PAXX: variants seen among roughly 807,000 people sequenced by gnomAD.
PAXX encodes PAXX non-homologous end joining factor.
In PAXX, 27 loss-of-function variants were observed where a neutral mutation model predicts 25.6. The ratio of observed to expected loss-of-function variants is 1.06; its 90% confidence interval spans 0.78 to 1.46. The LOEUF is 1.46. Among genes scored for constraint, PAXX ranks in the 40% most tolerant of loss-of-function variants. The probability of loss-of-function intolerance (pLI) is 0.00; values close to 1 mark genes in which losing one functional copy is unlikely to be tolerated. For synonymous variants in PAXX, 126 were observed against 125.7 expected, an observed-to-expected ratio of 1.00 and a Z score of -0.02; for missense variants, 295 against 280.2, an observed-to-expected ratio of 1.05 and a Z score of -0.38.
intron 5 of PAXX, 75 bp downstream of exon 5, chr9:136,993,486 C>T: frequency 6.3e-7 from 1 of 1,597,750 alleles, no homozygotes; most frequent in Non-Finnish European, 8.6e-7. Context: ...CCAAACAAGA[C>T]TCACGCTCCA....
At chr9:136,992,887 GT>G in intron 2 of PAXX, 37 bp from the exon 3 acceptor site, 1 of 1,613,020 alleles carries the variant, frequency 6.2e-7, no homozygotes, top group Non-Finnish European at 8.5e-7. Flanking sequence ...TGGGCCTCGG[GT>G]TCCAGGCAGC....
Position 136,992,943 on chromosome 9 carries a change from A to C in PAXX, c.199A>C (p.Ser67Arg), listed in dbSNP as rs1830612309. ...TCTCTAGAAAGCCCGTTTTGGCCTGAGTGCGGCTGAGGACATCACCCCCCG... is the reference window on the plus strand; with the variant it reads ...TCTCTAGAAAGCCCGTTTTGGCCTGCGTGCGGCTGAGGACATCACCCCCCG... ...LAALKARFGLSAAEDITPRFR... is the reference protein window; with the variant it reads ...LAALKARFGLRAAEDITPRFR... Residue 67 changes from serine to arginine, a missense_variant, in exon 3 of 7, where the codon AGT becomes CGT. Coordinates refer to ENST00000371620, the MANE Select transcript of PAXX (RefSeq NM_183241.3). 6.2e-7 allele frequency: 1 copy of C among 1,613,460 alleles called. No individual in the cohort carries two copies. Among genetic ancestry groups the C allele is most frequent in the African/African-American group, 1.3e-5 (1 of 74,906 alleles).
chr9:136,993,577 C>G lies in PAXX; in HGVS notation c.491-3C>G. On this transcript the variant is annotated splice_polypyrimidine_tract_variant and splice_region_variant and intron_variant, in intron 5 of 6. Coordinates refer to ENST00000371620, the MANE Select transcript of PAXX (RefSeq NM_183241.3). The stretch of plus-strand genomic sequence containing the variant: ...GAGCTGCCCCTGTCCTGTTTTCCCC[C>G]AGACCCAGATCCCCAGAGAGGTGGC... 1 of 1,613,930 alleles carries G rather than the reference C, an allele frequency of 6.2e-7. No homozygotes were observed. Among genetic ancestry groups the G allele is most frequent in the Non-Finnish European group, 8.5e-7 (1 of 1,179,980 alleles).
rs1227247504 is a variant in PAXX, at chr9:136,992,963, C to A, written c.219C>A (p.Thr73=). 8.7e-6 allele frequency: 14 copies of A among 1,613,418 alleles called. No homozygotes were observed. The East Asian group carries it at 3.1e-4, about 36-fold the overall frequency. The change falls in exon 3 of 7, where the codon ACC becomes ACA. Residue 73 remains threonine, a synonymous_variant. Transcript: ENST00000371620. ...GCCTGAGTGCGGCTGAGGACATCAC[C>A]CCCCGGTTCAGGTGAGACCCAAGCA... ...RFGLSAAEDI[T]PRFRAACEQQ...
Position 136,993,429 on chromosome 9 carries a change from G to A in PAXX, c.490+18G>A. On this transcript the variant is annotated intron_variant, in intron 5 of 6. Transcript: ENST00000371620. ...CTTACCAGGTAAGGCATGTCCGCCT[G>A]TGACTCAAGTAGGGCTGTGCTCTTT... 6.2e-7 allele frequency: 1 copy of A among 1,603,366 alleles called. No homozygotes were observed. Among genetic ancestry groups the A allele is most frequent in the Non-Finnish European group, 8.5e-7 (1 of 1,174,254 alleles).
At position 136,993,940 on chromosome 9, in the gene PAXX, T is replaced by C. The variant is rs549240171; in HGVS notation, c.*135T>C. 2 of 808,656 alleles carry C rather than the reference T, an allele frequency of 2.5e-6. No homozygotes were observed. Among genetic ancestry groups the C allele is most frequent in the Non-Finnish European group, 4.0e-6 (2 of 502,332 alleles). 50.1% of individuals were successfully genotyped at this position (808,656 alleles called of 1,614,324 possible). A position where few individuals can be genotyped will look rare whatever the true frequency, so the allele number is the denominator to read the frequency against. On this transcript the variant is annotated 3_prime_UTR_variant, in exon 7 of 7. Coordinates refer to ENST00000371620, the MANE Select transcript of PAXX (RefSeq NM_183241.3). ...GCCAGGACTAACACGGCTCCTCAAATTCCTTCCCTGTCAAATAAACAGCTC... is the reference window on the plus strand; with the variant it reads ...GCCAGGACTAACACGGCTCCTCAAACTCCTTCCCTGTCAAATAAACAGCTC...
Position 136,993,254 on chromosome 9 carries a change from GGGT to G in PAXX, c.421+14_421+16del, listed in dbSNP as rs1283674607. On this transcript the variant is annotated intron_variant, in intron 4 of 6. Coordinates refer to ENST00000371620, the MANE Select transcript of PAXX (RefSeq NM_183241.3). ...AGCGGCGACTGGCAGGTAGGATTGG[GGGT>G]GGGCACCTCATACCTTCACTGGGGT... The G allele has an allele frequency of 6.5e-7, 1 of 1,547,684 alleles. No homozygotes were observed. The highest frequency in any genetic ancestry group is 8.7e-7 in the Non-Finnish European group (1 of 1,149,540).
rs1830624657 is a variant in PAXX at position 136,993,222 on chromosome 9, A to G, written c.400A>G (p.Ser134Gly). The G allele has an allele frequency of 1.3e-6, 2 of 1,538,544 alleles. No individual in the cohort carries two copies. Among genetic ancestry groups the G allele is most frequent in the Non-Finnish European group, 1.7e-6 (2 of 1,147,640 alleles). Residue 134 changes from serine (S) to glycine (G), a missense_variant, in exon 4 of 7, where the codon AGC becomes GGC. Physicochemically the swap from Ser to Gly is moderately conservative, Grantham distance 56. Transcript: ENST00000371620. ...LTLGLAKRVW[S>G]LERRLAAAEE... is the part of the protein sequence containing the mutation. ...ACTGGGCCTGGCAAAACGCGTGTGG[A>G]GCCTGGAGCGGCGACTGGCAGGTAG... is the stretch of plus-strand genomic sequence containing the variant.
Position 136,993,896 on chromosome 9 carries a change from C to A in PAXX, c.*91C>A. ...CCCATCAGAGACCCCCCGCCACCAC[C>A]TCCACCTGCCTGTCCTGGGCCAGGA... On this transcript the variant is annotated 3_prime_UTR_variant, in exon 7 of 7. Coordinates refer to ENST00000371620, the MANE Select transcript of PAXX (RefSeq NM_183241.3). 2 of 1,259,566 alleles carry A rather than the reference C, an allele frequency of 1.6e-6. No individual in the cohort carries two copies. The highest frequency in any genetic ancestry group is 1.9e-5 in the Admixed American group (1 of 52,222). The allele number at this position is 1,259,566 out of a possible 1,614,324, so 78.0% of individuals were successfully genotyped here. A position where few individuals can be genotyped will look rare whatever the true frequency, so the allele number is the denominator to read the frequency against.
Position 136,992,654 on chromosome 9 carries a change from C to T in PAXX, c.134C>T (p.Ala45Val), listed in dbSNP as rs766091924. ...TTCTCCCCCAGCGTGACCGACGCCG[C>T]GGAGCTTTGGAGCACCTGCTTCACG... ...GGFNLYVTDA[A>V]ELWSTCFTPD... is the part of the protein sequence containing the mutation. The change falls in exon 2 of 7, where the codon GCG becomes GTG. Residue 45 changes from alanine to valine, a missense_variant. Ala to Val is a moderately conservative substitution (Grantham distance 64). Transcript: ENST00000371620. 28 of 1,541,204 alleles carry T rather than the reference C, an allele frequency of 1.8e-5. No homozygotes were observed. The highest frequency in any genetic ancestry group is 2.7e-5 in the African/African-American group (2 of 73,178).
In PAXX at chr9:136,993,079, C is replaced by T. The variant is rs1471272526; in HGVS notation, c.257C>T (p.Ala86Val). ...FRAACEQQAV[A>V]LTLQEDRASL... Reference sequence around the variant, plus strand: ...GCAGCCTGTGAGCAGCAAGCTGTGGCTCTGACTCTGCAGGAGGACAGAGCA... The same window carrying T: ...GCAGCCTGTGAGCAGCAAGCTGTGGTTCTGACTCTGCAGGAGGACAGAGCA... Residue 86 changes from alanine to valine, a missense_variant, in exon 4 of 7, where the codon GCT becomes GTT. Transcript: ENST00000371620. 3 of 1,611,366 alleles carry T rather than the reference C, an allele frequency of 1.9e-6. No individual in the cohort carries two copies. The African/African-American group carries it at 4.0e-5, about 21-fold the overall frequency.
intron 4 of PAXX, 46 bp downstream of exon 4, chr9:136,993,289 C>T: frequency 6.3e-7 from 1 of 1,578,250 alleles, no homozygotes; most frequent in Non-Finnish European, 8.6e-7. Flanking sequence ...GGGTCCCCTG[C>T]TCTTGCCCCC....
Position 136,992,536 on chromosome 9 carries a change from G to C in PAXX, c.93G>C (p.Glu31Asp). 5 of 1,460,714 alleles carry C rather than the reference G, an allele frequency of 3.4e-6. No homozygotes were observed. Among genetic ancestry groups the C allele is most frequent in the Non-Finnish European group, 4.5e-6 (5 of 1,101,012 alleles). 90.5% of individuals were successfully genotyped at this position (1,460,714 alleles called of 1,614,324 possible). A position where few individuals can be genotyped will look rare whatever the true frequency, so the allele number is the denominator to read the frequency against. ...ACTGCGAAGGGGAGGAAAGCGGGGA[G>C]GGGGACCGCGGCGGCTTCAACCTCT... ...VCYCEGEESG[E>D]GDRGGFNLYV... Residue 31 changes from glutamate (E) to aspartate (D), a missense_variant, in exon 1 of 7, where the codon GAG (glutamate) becomes GAC (aspartate). Transcript: ENST00000371620.
intron 5 of PAXX, 64 bp from the exon 6 acceptor site, chr9:136,993,516 C>A: frequency 6.2e-7 from 1 of 1,603,028 alleles, no homozygotes; most frequent in Non-Finnish European, 8.5e-7. Flanking sequence ...CCTATCTATT[C>A]GGAGAAGGTT....
rs778710020 is a variant in PAXX at position 136,993,232 on chromosome 9, G to A, written c.410G>A (p.Arg137Gln). 11 of 1,538,500 alleles carry A rather than the reference G, an allele frequency of 7.1e-6. No homozygotes were observed. The highest frequency in any genetic ancestry group is 2.3e-5 in the East Asian group (1 of 44,276). The change falls in exon 4 of 7, where the codon CGG becomes CAG. Residue 137 changes from arginine (R) to glutamine (Q), a missense_variant. Transcript: ENST00000371620. ...GCAAAACGCGTGTGGAGCCTGGAGC[G>A]GCGACTGGCAGGTAGGATTGGGGGT... ...GLAKRVWSLE[R>Q]RLAAAEETAV...
rs759478031 is a variant in PAXX, at chr9:136,993,165, C to A, written c.343C>A (p.Pro115Thr). 6.4e-7 allele frequency: 1 copy of A among 1,563,216 alleles called. No individual in the cohort carries two copies. Among genetic ancestry groups the A allele is most frequent in the Middle Eastern group, 1.7e-4 (1 of 5,816 alleles). The change falls in exon 4 of 7, where the codon CCA (proline) becomes ACA (threonine). Residue 115 changes from proline to threonine, a missense_variant. Pro to Thr is a conservative substitution (Grantham distance 38). Transcript: ENST00000371620. ...CTTTGACCTCTCCAAGGTACCAGGC[C>A]CAGAGGCAGCCCCCAGGCTGCGGGC... ...LAFDLSKVPGPEAAPRLRALT... is the reference protein window; with the variant it reads ...LAFDLSKVPGTEAAPRLRALT...
At chr9:136,993,001 G>T (rs147836713) in intron 3 of PAXX, 27 bp downstream of exon 3, 6 of 1,613,336 alleles carry the variant, frequency 3.7e-6, no homozygotes, top group South Asian at 2.2e-5. Context: ...GAGGAAGGAC[G>T]GGTGGGGAGG....
In PAXX at chr9:136,992,560, C is replaced by T. The variant is rs542096667; in HGVS notation, c.117C>T (p.Leu39=). The T allele has an allele frequency of 9.5e-5, 142 of 1,499,148 alleles. No individual in the cohort carries two copies. The highest frequency in any genetic ancestry group is 2.2e-4 in the Admixed American group (10 of 45,242). 92.9% of individuals were successfully genotyped at this position (1,499,148 alleles called of 1,614,324 possible). Residue 39 remains leucine, a splice_region_variant and synonymous_variant, in exon 1 of 7, where the codon CTC becomes CTT. Transcript: ENST00000371620. Reference sequence around the variant, plus strand: ...AGGGGGACCGCGGCGGCTTCAACCTCTAGTGAGTGGGGGTCCGCGGGGAGG... The same window carrying T: ...AGGGGGACCGCGGCGGCTTCAACCTTTAGTGAGTGGGGGTCCGCGGGGAGG... ...SGEGDRGGFN[L]YVTDAAELWS... is the part of the protein sequence containing the mutation.
Position 136,993,828 on chromosome 9 carries a change from C to T in PAXX, c.*23C>T, listed in dbSNP as rs150079464. 94 of 1,612,420 alleles carry T rather than the reference C, an allele frequency of 5.8e-5. 1 individual carries two copies. The African/African-American group carries it at 7.5e-4, about 13-fold the overall frequency. ...TGAAGGTGCAGCACAAGCGTGGCCC[C>T]GCGGGGAGTCCGCCTATGAGGGGAG... On this transcript the variant is annotated 3_prime_UTR_variant, in exon 7 of 7. Coordinates refer to ENST00000371620, the MANE Select transcript of PAXX (RefSeq NM_183241.3).
Sources: allele counts gnomAD v4.1 joint callset, GRCh38; gene constraint gnomAD v4.1.1; transcripts MANE v1.5; gene names NCBI Gene and HGNC (gene_info 2026-07-23, HGNC 2026-07-21).